Variants in MYO1F observed in about 807,000 individuals in gnomAD.
MYO1F encodes the protein unconventional myosin-If.
MYO1F carries 60 observed loss-of-function variants against 146.6 expected under a neutral mutation model. The ratio of observed to expected loss-of-function variants is 0.41; its 90% CI spans 0.33 to 0.51. The LOEUF is 0.51. Ranked by LOEUF, MYO1F falls within the 20% of genes least tolerant of loss-of-function variation. The pLI, the probability that MYO1F is intolerant of heterozygous loss-of-function variation, is 0.25. For missense variants in MYO1F, 1,274 were observed against 1,534.3 expected (o/e 0.83, Z 2.83); for synonymous variants, 602 against 602.1 (o/e 1.00, Z 0.00).
chr19:8,531,835 T>C lies in MYO1F; in HGVS notation c.2044-1262A>G, dbSNP rs11880567. 9.4e-3 allele frequency among the ~76,000 whole-genome samples: 1,425 copies of C among 151,982 alleles called. 25 individuals are homozygous for C. The highest frequency in any genetic ancestry group is 0.033 in the African/African-American group (1,358 of 41,554). ...ATAAAATACAGTAAATATGAAAATGTGGCCGGGTGCAGTGGCTCAAGCCTG... is the reference window on the plus strand; with the variant it reads ...ATAAAATACAGTAAATATGAAAATGCGGCCGGGTGCAGTGGCTCAAGCCTG... On this transcript the variant is annotated intron_variant, in intron 19 of 27. Coordinates refer to ENST00000644032, the MANE Select transcript of MYO1F (RefSeq NM_012335.4).
At chr19:8,553,916 T>TCTCTCTCTCTCTCG (rs1555726922) in intron 4 of MYO1F, among the ~76,000 whole-genome samples, 132 of 141,506 alleles carry the variant, frequency 9.3e-4, no homozygotes, top group African/African-American at 3.1e-3. Context: ...TCTCTCTCTC[T>TCTCTCTCTCTCTCG]CTCTCTCGCT....
chr19:8,547,454 A>T (rs1013216435), intron 12 of MYO1F, among the ~76,000 whole-genome samples: 2 of 151,630 alleles, frequency 1.3e-5, no homozygotes, highest in African/African-American at 4.8e-5. Context: ...AAATACAAAA[A>T]TTAGCTGGGC....
intron 1 of MYO1F, among the ~76,000 whole-genome samples, chr19:8,568,659 C>G (rs141195985): frequency 6.6e-6 from 1 of 151,954 alleles, no homozygotes; most frequent in Non-Finnish European, 1.5e-5. Context: ...TGGTGGCTCA[C>G]GCCTGTAATC....
intron 13 of MYO1F, 46 bp downstream of exon 13, chr19:8,545,604 C>T: frequency 6.7e-7 from 1 of 1,486,678 alleles, no homozygotes; most frequent in Non-Finnish European, 9.4e-7. Flanking sequence ...AGACTCAGCT[C>T]AGGGGACCAG....
rs373627527 is a variant in MYO1F at position 8,536,404 on chromosome 19, C to T, written c.1899-8G>A. On this transcript the variant is annotated splice_region_variant and splice_polypyrimidine_tract_variant and intron_variant, in intron 18 of 27. Transcript: ENST00000644032. ...GGGGTCAGAATGGCATACCTGAGGG[C>T]GGAGGGCTGGGGTGTGGGAGTGCTC... 42 of 1,605,772 alleles carry T rather than the reference C, an allele frequency of 2.6e-5. No homozygotes were observed. Among genetic ancestry groups the T allele is most frequent in the African/African-American group, 4.0e-5 (3 of 74,572 alleles).
intron 1 of MYO1F, among the ~76,000 whole-genome samples, chr19:8,557,954 C>T (rs2145937066): frequency 6.6e-6 from 1 of 152,206 alleles, no homozygotes; most frequent in South Asian, 2.1e-4. Flanking sequence ...CCTTTGAGCT[C>T]CTCCAGGCCA....
rs1164149531 is a variant in MYO1F at position 8,530,998 on chromosome 19, C to G, written c.2044-425G>C. On this transcript the variant is annotated intron_variant, in intron 19 of 27. Transcript: ENST00000644032. This position sits in a 1 kb window ranked among gnomAD's most constrained non-coding sequence, Gnocchi z 5.8. ...GGCGGAGGTTGCAGTGAGCTGAGAT[C>G]GCGCCATTGCACTCCAGCCTGGACA... 6.7e-6 allele frequency among the ~76,000 whole-genome samples: 1 copy of G among 149,732 alleles called. No homozygotes were observed. Among genetic ancestry groups the G allele is most frequent in the Non-Finnish European group, 1.5e-5 (1 of 67,434 alleles).
At chr19:8,522,301 C>T (rs1041352019) in intron 27 of MYO1F, 76 bp downstream of exon 27, 63 of 1,588,650 alleles carry the variant, frequency 4.0e-5, no homozygotes, top group Admixed American at 3.0e-4. Context: ...GGATTACAGG[C>T]GTGAGCCACC....
Position 8,545,615 on chromosome 19 carries a change from T to C in MYO1F, c.1356+35A>G, listed in dbSNP as rs1042942306. On this transcript the variant is annotated intron_variant, in intron 13 of 27. Coordinates refer to ENST00000644032, the MANE Select transcript of MYO1F (RefSeq NM_012335.4). Reference sequence around the variant, plus strand: ...TTCCAGACTCAGCTCAGGGGACCAGTGAGACGCCCCCGCCAAAGTTGACCC... The same window carrying C: ...TTCCAGACTCAGCTCAGGGGACCAGCGAGACGCCCCCGCCAAAGTTGACCC... The C allele has an allele frequency of 1.1e-5, 17 of 1,542,962 alleles. No homozygotes were observed. In the East Asian group the frequency reaches 1.1e-4, roughly 10 times the overall value.
At chr19:8,544,207 C>T in intron 14 of MYO1F, 90 bp downstream of exon 14, 10 of 1,429,628 alleles carry the variant, frequency 7.0e-6, no homozygotes, top group Non-Finnish European at 9.8e-6. Flanking sequence ...CAGGCTCTTT[C>T]CAGCCTGGGT....
chr19:8,522,344 C>CCCTCA (rs770476546), intron 27 of MYO1F, 33 bp downstream of exon 27: 10 of 1,613,360 alleles, frequency 6.2e-6, no homozygotes, highest in Non-Finnish European at 6.8e-6. Context: ...CTTACCACTC[C>CCCTCA]CCTCACCCCA....
At chr19:8,527,555 C>A (rs771534501) in intron 21 of MYO1F, 72 bp from the exon 22 acceptor site, 19 of 1,577,710 alleles carry the variant, frequency 1.2e-5, no homozygotes, top group Non-Finnish European at 1.5e-5. Context: ...CCACCCCAGG[C>A]AGAGGGGTGG....
chr19:8,531,272 G>C (rs1972476265), intron 19 of MYO1F, among the ~76,000 whole-genome samples: 1 of 152,170 alleles, frequency 6.6e-6, no homozygotes, highest in East Asian at 1.9e-4. Flanking sequence ...ACTTGAACCT[G>C]GGAGTTGGAG....
At chr19:8,565,811 C>T (rs527415617) in intron 1 of MYO1F, among the ~76,000 whole-genome samples, 1 of 151,200 alleles carries the variant, frequency 6.6e-6, no homozygotes, top group African/African-American at 2.4e-5. Flanking sequence ...TAACACCTGG[C>T]CGGGTGGTGG....
intron 25 of MYO1F, 93 bp from the exon 26 acceptor site, chr19:8,522,922 G>T: frequency 8.9e-7 from 1 of 1,121,760 alleles, no homozygotes; most frequent in Non-Finnish European, 1.3e-6. Flanking sequence ...TGAGGGAGGA[G>T]ACTGCGACAC....
At chr19:8,523,054 T>C (rs1464459211) in intron 25 of MYO1F, among the ~76,000 whole-genome samples, 2 of 150,266 alleles carry the variant, frequency 1.3e-5, no homozygotes, top group Non-Finnish European at 3.0e-5. Flanking sequence ...TTTTTTGAGA[T>C]GGAGTCTTGC....
chr19:8,568,456 G>GC (rs375476691), intron 1 of MYO1F, among the ~76,000 whole-genome samples: 7 of 142,460 alleles, frequency 4.9e-5, no homozygotes, highest in African/African-American at 1.9e-4. Context: ...TTAATCACAG[G>GC]CTGTTTGCAT....
chr19:8,537,115 C>T, intron 16 of MYO1F, 60 bp from the exon 17 acceptor site: 1 of 1,131,590 alleles, frequency 8.8e-7, no homozygotes, highest in South Asian at 1.3e-5. Flanking sequence ...TCTGGCCCCT[C>T]TTTTTTCCAC....
At position 8,552,138 on chromosome 19, in the gene MYO1F, G is replaced by T; in HGVS notation, c.531C>A (p.Ser177Arg). The T allele has an allele frequency of 6.2e-7, 1 of 1,614,110 alleles. No homozygotes were observed. Among genetic ancestry groups the T allele is most frequent in the Non-Finnish European group, 8.5e-7 (1 of 1,180,014 alleles). ...TGCCCCCATCTGGCTCCCCACCTCG[G>T]CTGAACTGGATCTCAAAGTACTTGC... ...RFGKYFEIQFSRGGEPDGGKI... is the reference protein window; with the variant it reads ...RFGKYFEIQFRRGGEPDGGKI... Residue 177 changes from serine (S) to arginine (R), a missense_variant, in exon 7 of 28, where the codon AGC becomes AGA. Ser to Arg is a moderately radical substitution (Grantham distance 110). Around this residue, in one of 2 missense-constraint regions of MYO1F, gnomAD observed 900 missense variants for 1,155.1 expected, o/e 0.78. Transcript: ENST00000644032.
Sources: allele counts gnomAD v4.1 joint callset (sites outside exome capture counted in the v4.1 genomes callset), GRCh38; gene constraint gnomAD v4.1.1; regional missense constraint gnomAD v4.1.1; non-coding constraint Gnocchi (gnomAD v3.1); transcripts MANE v1.5; gene names NCBI Gene and HGNC (gene_info 2026-07-23, HGNC 2026-07-21).